Variants in SF3A1 observed in about 807,000 individuals in gnomAD.
SF3A1 encodes splicing factor 3a subunit 1.
Under a neutral mutation model 89.9 loss-of-function variants are expected in SF3A1, and 13 were observed. The ratio of observed to expected loss-of-function variants is 0.14; its 90% CI spans 0.09 to 0.23. SF3A1 has a LOEUF of 0.23. Among genes scored for constraint, SF3A1 ranks in the 10% least tolerant of loss-of-function variants. The pLI, the probability that SF3A1 is intolerant of heterozygous loss-of-function variation, is 1.00. For synonymous variants in SF3A1, 405 were observed against 374.4 expected, an observed-to-expected ratio of 1.08 and a Z score of -0.94; for missense variants, 604 against 1,022.1, an observed-to-expected ratio of 0.59 and a Z score of 5.58.
intron 5 of SF3A1, 51 bp downstream of exon 5, chr22:30,342,754 A>C (rs563351639): frequency 8.3e-7 from 1 of 1,204,812 alleles, no homozygotes; most frequent in Admixed American, 1.7e-5. Flanking sequence ...TTCAGACATA[A>C]AACAGAACCA....
chr22:30,335,787 A>C (rs750783306), intron 13 of SF3A1, 34 bp from the exon 14 acceptor site: 8 of 1,553,288 alleles, frequency 5.2e-6, no homozygotes, highest in Non-Finnish European at 7.1e-6. Context: ...ATGCCTAGGG[A>C]GCTCGGAGCC....
At chr22:30,350,801 G>A (rs1321963006) in intron 2 of SF3A1, among the ~76,000 whole-genome samples, 1 of 152,122 alleles carries the variant, frequency 6.6e-6, no homozygotes, top group African/African-American at 2.4e-5. Context: ...TGTTTTTAAA[G>A]TATCAGGGGA....
intron 1 of SF3A1, among the ~76,000 whole-genome samples, chr22:30,355,815 T>TCCCCCCCCCCC (rs11451197): frequency 4.3e-5 from 4 of 92,278 alleles, no homozygotes; most frequent in African/African-American, 9.1e-5. Flanking sequence ...TCAGTCATGT[T>TCCCCCCCCCCC]CCCCCCCCCC....
intron 1 of SF3A1, 197 bp downstream of exon 1, chr22:30,356,533 C>T (rs1327322465): frequency 2.4e-6 from 1 of 419,344 alleles, no homozygotes. Flanking sequence ...GGGGCTGCTC[C>T]GCGGACCACT....
intron 2 of SF3A1, among the ~76,000 whole-genome samples, chr22:30,350,939 A>C (rs912996978): frequency 6.6e-6 from 1 of 152,250 alleles, no homozygotes; most frequent in Non-Finnish European, 1.5e-5. Context: ...CTTTCAACCT[A>C]ATACTCAAAG....
At chr22:30,354,433 C>T (rs1048348582) in intron 1 of SF3A1, among the ~76,000 whole-genome samples, 2 of 152,194 alleles carry the variant, frequency 1.3e-5, no homozygotes, top group Admixed American at 1.3e-4. Context: ...TGCCTGTCTT[C>T]CCATCTTGCT....
In SF3A1 at chr22:30,341,468, C is replaced by T. The variant is rs142321208; in HGVS notation, c.1071+224G>A. Among the ~76,000 whole-genome samples the T allele has an allele frequency of 2.0e-4, 30 of 152,322 alleles. 1 individual carries two copies. The highest frequency in any genetic ancestry group is 2.0e-3 in the Admixed American group (30 of 15,306). On this transcript the variant is annotated intron_variant, in intron 7 of 15. Transcript: ENST00000215793. ...CCGGGCCAGGGAGGCGGCCACAGAACAGGTCAGCACAGCTTTTAGATCCTT... is the reference window on the plus strand; with the variant it reads ...CCGGGCCAGGGAGGCGGCCACAGAATAGGTCAGCACAGCTTTTAGATCCTT...
chr22:30,345,983 A>G (rs1277071567), intron 3 of SF3A1, among the ~76,000 whole-genome samples: 2 of 152,106 alleles, frequency 1.3e-5, no homozygotes, highest in Non-Finnish European at 2.9e-5. Context: ...CTGCCCTCAC[A>G]TCACGGCACT....
intron 9 of SF3A1, 113 bp from the exon 10 acceptor site, chr22:30,339,364 G>A (rs1169955877): frequency 7.7e-7 from 1 of 1,307,086 alleles, no homozygotes; most frequent in Non-Finnish European, 1.1e-6. Context: ...ATGGGATGAG[G>A]GTGACTCAGG....
chr22:30,338,912 G>A lies in SF3A1; in HGVS notation c.1620C>T (p.Asp540=). The change falls in exon 11 of 16, where the codon GAC becomes GAT. Residue 540 remains aspartate, a synonymous_variant. Coordinates refer to ENST00000215793, the MANE Select transcript of SF3A1 (RefSeq NM_005877.6). ...TGCTGGGGCCAATCTTCTCTTTAGT[G>A]TCATCCTCTGGCACCAGGCCTTTGG... The part of the protein sequence containing the change: ...HKAKGLVPED[D]TKEKIGPSKP... 1 of 1,614,190 alleles carries A rather than the reference G, an allele frequency of 6.2e-7. No homozygotes were observed. Among genetic ancestry groups the A allele is most frequent in the Non-Finnish European group, 8.5e-7 (1 of 1,180,038 alleles).
intron 13 of SF3A1, 90 bp downstream of exon 13, chr22:30,336,936 A>G: frequency 1.3e-6 from 2 of 1,484,932 alleles, no homozygotes; most frequent in Non-Finnish European, 1.9e-6. Context: ...CAAGACTGGG[A>G]GTGAAATAGG....
At position 30,332,463 on chromosome 22, in the gene SF3A1, T is replaced by G. The variant is rs1484566556; in HGVS notation, c.*2131A>C. ...GAGCAGTGTGGTCCCCAGGAAGGGA[T>G]GAGCTGCTTTGGCTTTCCAGAGCAC... On this transcript the variant is annotated 3_prime_UTR_variant, in exon 16 of 16. Transcript: ENST00000215793. 1 of 152,262 alleles carries G rather than the reference T, an allele frequency of 6.6e-6. No homozygotes were observed. Among genetic ancestry groups the G allele is most frequent in the Non-Finnish European group, 1.5e-5 (1 of 68,048 alleles). The allele number at this position is 152,262 out of a possible 1,614,324, so 9.4% of individuals were successfully genotyped here.
chr22:30,346,662 C>T, intron 2 of SF3A1, 143 bp from the exon 3 acceptor site: 1 of 864,340 alleles, frequency 1.2e-6, no homozygotes, highest in Non-Finnish European at 1.8e-6. Flanking sequence ...CCTCTAGCTT[C>T]CTGGCATTGG....
Position 30,353,082 on chromosome 22 carries a change from C to T in SF3A1, c.64-10G>A. 2 of 1,613,604 alleles carry T rather than the reference C, an allele frequency of 1.2e-6. No individual in the cohort carries two copies. Among genetic ancestry groups the T allele is most frequent in the Non-Finnish European group, 1.7e-6 (2 of 1,179,776 alleles). ...CTTCTTCTTCTGTGGGCTGTGCAAA[C>T]AGGAAAAGAAATAAGGTTTTAAAGT... On this transcript the variant is annotated splice_polypyrimidine_tract_variant and intron_variant, in intron 1 of 15. Coordinates refer to ENST00000215793, the MANE Select transcript of SF3A1 (RefSeq NM_005877.6).
chr22:30,339,448 CCT>C (rs1931178913), intron 9 of SF3A1, among the ~76,000 whole-genome samples, 197 bp from the exon 10 acceptor site: 1 of 152,130 alleles, frequency 6.6e-6, no homozygotes, highest in Non-Finnish European at 1.5e-5. Flanking sequence ...TTGGGCAACC[CCT>C]CTGACTTAGA....
intron 1 of SF3A1, among the ~76,000 whole-genome samples, chr22:30,353,472 G>A (rs975896907): frequency 6.6e-6 from 1 of 152,206 alleles, no homozygotes; most frequent in African/African-American, 2.4e-5. Context: ...TAAATAGCTA[G>A]ACGACCTTGG....
intron 1 of SF3A1, among the ~76,000 whole-genome samples, chr22:30,356,055 G>A (rs1044168087): frequency 6.6e-6 from 1 of 152,042 alleles, no homozygotes; most frequent in Non-Finnish European, 1.5e-5. Flanking sequence ...CTATCACAGG[G>A]CATATCACAC....
At position 30,356,765 on chromosome 22, in the gene SF3A1, G is replaced by A; in HGVS notation, c.28C>T (p.Pro10Ser). Residue 10 changes from proline (P) to serine (S), a missense_variant, in exon 1 of 16, where the codon CCC becomes TCC. By Grantham distance (74) the Pro-to-Ser change is moderately conservative (BLOSUM62 -1). Transcript: ENST00000215793. ...TCCGTGGGCACGGGCGGCGGCGGGG[G>A]CACCGCCTGCACGGGTCCGGCCGGC... is the stretch of plus-strand genomic sequence containing the variant. Reference protein sequence around the residue: MPAGPVQAVPPPPPVPTEPK... With the variant: MPAGPVQAVSPPPPVPTEPK... 2 of 1,471,580 alleles carry A rather than the reference G, an allele frequency of 1.4e-6. No individual in the cohort carries two copies. Among genetic ancestry groups the A allele is most frequent in the South Asian group, 1.4e-5 (1 of 73,786 alleles). 91.2% of individuals were successfully genotyped at this position (1,471,580 alleles called of 1,614,324 possible). A position where few individuals can be genotyped will look rare whatever the true frequency, so the allele number is the denominator to read the frequency against.
chr22:30,348,087 T>C (rs781284591), intron 2 of SF3A1, among the ~76,000 whole-genome samples: 8 of 152,240 alleles, frequency 5.3e-5, no homozygotes, highest in Non-Finnish European at 7.3e-5. Context: ...TTAAGCGCCT[T>C]GGCCTCCCAA....
Sources: allele counts gnomAD v4.1 joint callset (sites outside exome capture counted in the v4.1 genomes callset), GRCh38; gene constraint gnomAD v4.1.1; transcripts MANE v1.5; gene names NCBI Gene and HGNC (gene_info 2026-07-23, HGNC 2026-07-21).